Variants in LAMA2 observed in about 807,000 individuals in gnomAD.
The protein encoded by LAMA2 is laminin subunit alpha 2, also known as laminin subunit alpha-2.
Under a neutral mutation model 364.8 loss-of-function variants are expected in LAMA2, and 269 were observed. That is an observed-to-expected ratio of 0.74 (90% CI 0.67 to 0.82). The LOEUF is 0.82. Among genes scored for constraint, LAMA2 ranks in the 40% least tolerant of loss-of-function variants. The pLI is 0.00. For missense variants in LAMA2, 3,807 were observed against 3,873.2 expected (o/e 0.98, Z 0.45); for synonymous variants, 1,379 against 1,370.6 (o/e 1.01, Z -0.14).
chr6:128,993,704 CAG>C (rs1316960410), intron 1 of LAMA2, among the ~76,000 whole-genome samples: 1 of 152,016 alleles, frequency 6.6e-6, no homozygotes, highest in Non-Finnish European at 1.5e-5. Context: ...GTGTGTCAGT[CAG>C]AGGGGGAGGT....
chr6:129,144,146 T>C (rs1778292328), intron 5 of LAMA2, 66 bp downstream of exon 5: 5 of 1,316,344 alleles, frequency 3.8e-6, no homozygotes, highest in Non-Finnish European at 5.5e-6. Flanking sequence ...GTCTGTTAAA[T>C]ACTTTAAAAA....
intron 4 of LAMA2, among the ~76,000 whole-genome samples, chr6:129,126,422 C>T (rs182972695): frequency 2.0e-3 from 307 of 152,256 alleles, no homozygotes; most frequent in African/African-American, 6.7e-3. Flanking sequence ...TAAGATACCA[C>T]CTTAGTTTTA....
At chr6:129,137,476 C>T (rs1020669283) in intron 4 of LAMA2, among the ~76,000 whole-genome samples, 7 of 151,762 alleles carry the variant, frequency 4.6e-5, no homozygotes, top group Non-Finnish European at 1.0e-4. Context: ...TTTAATAATC[C>T]TTCATTGATT....
At chr6:129,174,843 C>G (rs745946322) in intron 9 of LAMA2, among the ~76,000 whole-genome samples, 1 of 152,126 alleles carries the variant, frequency 6.6e-6, no homozygotes, top group African/African-American at 2.4e-5. Flanking sequence ...ACCTACCTAC[C>G]TACCTACCTA....
At chr6:128,905,993 C>T (rs7753018) in intron 1 of LAMA2, among the ~76,000 whole-genome samples, 8,594 of 149,838 alleles carry the variant, frequency 0.057, 684 homozygotes, top group African/African-American at 0.18. Flanking sequence ...CATAGTATTC[C>T]ATGGTGTATA....
chr6:128,896,207 T>C (rs1014267089), intron 1 of LAMA2, among the ~76,000 whole-genome samples: 1 of 152,116 alleles, frequency 6.6e-6, no homozygotes, highest in Non-Finnish European at 1.5e-5. Flanking sequence ...GGTTTATGTG[T>C]ATCCAGCCCA....
At chr6:129,240,345 G>A (rs265379) in intron 12 of LAMA2, among the ~76,000 whole-genome samples, 110,449 of 152,044 alleles carry the variant, frequency 0.73, 41,791 homozygotes, top group Non-Finnish European at 0.84. Context: ...GCATACTTCA[G>A]TCAAGTAGAC....
At chr6:129,043,641 A>T (rs575486890) in intron 1 of LAMA2, among the ~76,000 whole-genome samples, 1 of 152,118 alleles carries the variant, frequency 6.6e-6, no homozygotes, top group Admixed American at 6.6e-5. Context: ...GCTTTTTCTC[A>T]TAAGTATGAG....
chr6:129,233,885 C>T (rs1173312003), intron 12 of LAMA2, among the ~76,000 whole-genome samples: 2 of 152,166 alleles, frequency 1.3e-5, no homozygotes, highest in African/African-American at 4.8e-5. Flanking sequence ...TGGTCTGAAA[C>T]TCCGCTCCAG....
chr6:129,507,690 T>TACTA (rs773475482), intron 62 of LAMA2, 48 bp downstream of exon 62: 1 of 1,570,298 alleles, frequency 6.4e-7, no homozygotes, highest in South Asian at 1.1e-5. Flanking sequence ...TAGATACAAA[T>TACTA]ACTAACTTCT....
chr6:129,038,385 A>G lies in LAMA2; in HGVS notation c.113-11533A>G, dbSNP rs185291111. Among the ~76,000 whole-genome samples the G allele has an allele frequency of 2.6e-3, 399 of 152,318 alleles. 3 individuals carry two copies. Among genetic ancestry groups the G allele is most frequent in the African/African-American group, 8.8e-3 (364 of 41,580 alleles). On this transcript the variant is annotated intron_variant, in intron 1 of 64. Coordinates refer to ENST00000421865, the MANE Select transcript of LAMA2 (RefSeq NM_000426.4). ...TACATAACATGTGATATTTATATCC[A>G]TCTTCCTTCTTGATCATGAGCAACA...
chr6:129,406,541 T>C (rs1281567932), intron 40 of LAMA2, among the ~76,000 whole-genome samples: 3 of 152,182 alleles, frequency 2.0e-5, no homozygotes, highest in Non-Finnish European at 4.4e-5. Flanking sequence ...AGAAAGGAGA[T>C]ATGTCACTCA....
chr6:128,952,111 GAGCCATGATCTTGCCACTGTGCTCC>G (rs1263722866), intron 1 of LAMA2, among the ~76,000 whole-genome samples: 1 of 152,148 alleles, frequency 6.6e-6, no homozygotes, highest in Non-Finnish European at 1.5e-5. Context: ...AGGCTGCAGT[GAGCCATGATCTTGCCACTGTGCTCC>G]AGCCTGGGCA....
intron 4 of LAMA2, among the ~76,000 whole-genome samples, chr6:129,118,567 C>T (rs900919224): frequency 3.9e-5 from 6 of 152,100 alleles, no homozygotes; most frequent in African/African-American, 1.4e-4. Context: ...AAAAACTATA[C>T]CAATTTATTG....
At chr6:129,379,323 GTT>G (rs544494265) in intron 34 of LAMA2, among the ~76,000 whole-genome samples, 3 of 144,904 alleles carry the variant, frequency 2.1e-5, no homozygotes, top group African/African-American at 2.5e-5. Context: ...TTATGCATGG[GTT>G]TTTTTTTTTT....
At chr6:129,126,150 C>A (rs1777104447) in intron 4 of LAMA2, among the ~76,000 whole-genome samples, 1 of 152,148 alleles carries the variant, frequency 6.6e-6, no homozygotes, top group Admixed American at 6.5e-5. Context: ...ACAAACATAT[C>A]TTTACACATT....
intron 4 of LAMA2, among the ~76,000 whole-genome samples, chr6:129,127,578 T>C (rs544970213): frequency 6.6e-6 from 1 of 152,322 alleles, no homozygotes; most frequent in East Asian, 1.9e-4. Context: ...CTACTTTTAG[T>C]TGTTTTGGAA....
At chr6:129,342,738 A>G (rs995394722) in intron 30 of LAMA2, among the ~76,000 whole-genome samples, 1 of 152,114 alleles carries the variant, frequency 6.6e-6, no homozygotes, top group Admixed American at 6.6e-5. Context: ...AACAAATGAT[A>G]TATATATACA....
chr6:128,944,241 G>C lies in LAMA2; in HGVS notation c.112+60884G>C, dbSNP rs1214308538. Among the ~76,000 whole-genome samples the C allele has an allele frequency of 6.8e-4, 104 of 152,246 alleles. 1 individual carries two copies. The highest frequency in any genetic ancestry group is 3.1e-4 in the Non-Finnish European group (21 of 68,016). ...ATGCACAGTTAAGGTACCCCACCTA[G>C]ATTAAATGAATTAATTTTGGACTTG... On this transcript the variant is annotated intron_variant, in intron 1 of 64. Transcript: ENST00000421865.
Sources: gnomAD v4.1 joint callset for allele counts (sites outside exome capture counted in the v4.1 genomes callset) on GRCh38, gnomAD v4.1.1 for gene constraint, MANE v1.5 for transcripts, NCBI Gene and HGNC (gene_info 2026-07-23, HGNC 2026-07-21) for gene names.